The following SUN2 variants were observed in gnomAD, a reference collection of about 807,000 sequenced individuals.
The protein encoded by SUN2 is SUN domain-containing protein 2.
In SUN2, 60 loss-of-function variants were observed where a neutral mutation model predicts 100.0. The ratio of observed to expected loss-of-function variants is 0.60; its 90% CI spans 0.49 to 0.74. The LOEUF (loss-of-function observed/expected upper bound fraction) is 0.74, where lower values mean the gene tolerates loss of function less well. SUN2 is among the 30% of genes least tolerant of loss of function. The probability of loss-of-function intolerance (pLI) is 0.00; values close to 1 mark genes in which losing one functional copy is unlikely to be tolerated. For synonymous variants in SUN2, 367 were observed against 403.3 expected, an observed-to-expected ratio of 0.91 and a Z score of 1.08; for missense variants, 834 against 954.6, an observed-to-expected ratio of 0.87 and a Z score of 1.66.
intron 2 of SUN2, among the ~76,000 whole-genome samples, chr22:38,751,934 T>C (rs1341100805): frequency 6.6e-6 from 1 of 152,226 alleles, no homozygotes; most frequent in Non-Finnish European, 1.5e-5. Flanking sequence ...GGCTTATGGT[T>C]GAAGCTGCCT....
Position 38,737,888 on chromosome 22 carries a change from C to T in SUN2, c.2040+285G>A. The T allele has an allele frequency of 1.6e-6, 1 of 630,282 alleles. No homozygotes were observed. 39.0% of individuals were successfully genotyped at this position (630,282 alleles called of 1,614,324 possible). ...GCGGCTCCTCGAACGCCTCTCCCGG[C>T]CTTCCTTTCCTGGCCACCCAACCCC... On this transcript the variant is annotated intron_variant, in intron 17 of 17. Transcript: ENST00000689035. The surrounding 1 kb of genome is among the most constrained non-coding windows in gnomAD (Gnocchi z 4.1).
At chr22:38,746,598 GC>G (rs1335269134) in intron 7 of SUN2, among the ~76,000 whole-genome samples, 3 of 152,202 alleles carry the variant, frequency 2.0e-5, no homozygotes, top group Admixed American at 2.0e-4. Flanking sequence ...AGGTCACTGA[GC>G]CCCCTCCACG....
intron 4 of SUN2, 139 bp from the exon 5 acceptor site, chr22:38,750,459 G>C (rs1015645224): frequency 3.4e-6 from 5 of 1,480,052 alleles, no homozygotes; most frequent in Non-Finnish European, 4.5e-6. Context: ...GTGCAGTAAG[G>C]AATGAAATGG....
chr22:38,738,178 AGTGAAAC>A lies in SUN2; in HGVS notation c.2028_2034del (p.His678ArgfsTer16). The A allele has an allele frequency of 6.2e-7, 1 of 1,613,994 alleles. No individual in the cohort carries two copies. The highest frequency in any genetic ancestry group is 8.5e-7 in the Non-Finnish European group (1 of 1,179,996). ...AGCACAGCAGCATCCCGTACCTGAA[AGTGAAAC>A]GTCTGAATAGGCTCGCCGTCCTGAT... On this transcript the variant is annotated frameshift_variant, in exon 17 of 18. Coordinates refer to ENST00000689035, the MANE Select transcript of SUN2 (RefSeq NM_015374.3). LOFTEE classifies it high-confidence loss of function. The surrounding 1 kb of genome is among the most constrained non-coding windows in gnomAD (Gnocchi z 6.6).
At position 38,735,330 on chromosome 22, in the gene SUN2, GCAGA is replaced by G. The variant is rs1160989119; in HGVS notation, c.*933_*936del. The G allele has an allele frequency of 9.2e-6, 4 of 435,870 alleles. No homozygotes were observed. The highest frequency in any genetic ancestry group is 1.8e-5 in the Non-Finnish European group (4 of 219,524). The allele number at this position is 435,870 out of a possible 1,614,324, so 27.0% of individuals were successfully genotyped here. A position where few individuals can be genotyped will look rare whatever the true frequency, so the allele number is the denominator to read the frequency against. On this transcript the variant is annotated 3_prime_UTR_variant, in exon 18 of 18. Coordinates refer to ENST00000689035, the MANE Select transcript of SUN2 (RefSeq NM_015374.3). ...GGCCTGGTTAGATGTGGGGGCCGGT[GCAGA>G]CAGACCTCGCACCCCGATACCCTGA...
intron 1 of SUN2, among the ~76,000 whole-genome samples, chr22:38,753,210 CTTTTTTTTTT>C (rs869037443): frequency 1.2e-5 from 1 of 86,262 alleles, no homozygotes; most frequent in Non-Finnish European, 2.1e-5. Context: ...CACCTATGTT[CTTTTTTTTTT>C]TTTTTTTTTT....
chr22:38,745,594 G>T, intron 8 of SUN2, 90 bp downstream of exon 8: 3 of 1,525,104 alleles, frequency 2.0e-6, no homozygotes, highest in Non-Finnish European at 1.8e-6. Context: ...TTGTGTGTAC[G>T]GTGTGAGGCA....
intron 6 of SUN2, chr22:38,749,049 A>C (rs540103362): frequency 2.3e-6 from 1 of 441,998 alleles, no homozygotes; most frequent in South Asian, 5.0e-5. Context: ...AAACTCAAAA[A>C]TTTTTATATG....
chr22:38,747,988 G>T (rs1009003005), intron 7 of SUN2, among the ~76,000 whole-genome samples: 2 of 152,100 alleles, frequency 1.3e-5, no homozygotes, highest in Admixed American at 6.5e-5. Flanking sequence ...CGCCTGGGAT[G>T]ATTCAGGACA....
At position 38,737,011 on chromosome 22, in the gene SUN2, A is replaced by G. The variant is rs758101109; in HGVS notation, c.2041-631T>C. ...GGTGCATGTCACCACACCCGGCTAAATTTTTTAACATTTTTTGTAGAGTCG... is the reference window on the plus strand; with the variant it reads ...GGTGCATGTCACCACACCCGGCTAAGTTTTTTAACATTTTTTGTAGAGTCG... On this transcript the variant is annotated intron_variant, in intron 17 of 17. Transcript: ENST00000689035. The surrounding 1 kb of genome is among the most constrained non-coding windows in gnomAD (Gnocchi z 4.1). Among the ~76,000 whole-genome samples, 27 of 152,022 alleles carry G rather than the reference A, an allele frequency of 1.8e-4. No individual in the cohort carries two copies. Among genetic ancestry groups the G allele is most frequent in the Non-Finnish European group, 2.1e-4 (14 of 67,998 alleles).
At chr22:38,754,529 GGACC>G in intron 1 of SUN2, 1 of 940,570 alleles carries the variant, frequency 1.1e-6, no homozygotes, top group South Asian at 1.4e-5. Flanking sequence ...GTTGGAAAAG[GGACC>G]GATTGGTAGT....
Position 38,740,212 on chromosome 22 carries a change from G to T in SUN2, c.1356+55C>A. Reference sequence around the variant, plus strand: ...TGCTGCTTTGCAGGCCCCAGGACACGTCGTCTCAAAGGAGGAGGAGAGGGA... The same window carrying T: ...TGCTGCTTTGCAGGCCCCAGGACACTTCGTCTCAAAGGAGGAGGAGAGGGA... On this transcript the variant is annotated intron_variant, in intron 12 of 17. Transcript: ENST00000689035. This position sits in a 1 kb window ranked among gnomAD's most constrained non-coding sequence, Gnocchi z 4.8. 6.8e-7 allele frequency: 1 copy of T among 1,479,294 alleles called. No individual in the cohort carries two copies. The highest frequency in any genetic ancestry group is 1.4e-5 in the South Asian group (1 of 72,946). The allele number at this position is 1,479,294 out of a possible 1,614,324, so 91.6% of individuals were successfully genotyped here.
rs1003423118 is a variant in SUN2 at position 38,735,337 on chromosome 22, G to C, written c.*930C>G. ...TTAGATGTGGGGGCCGGTGCAGACA[G>C]ACCTCGCACCCCGATACCCTGAACG... On this transcript the variant is annotated 3_prime_UTR_variant, in exon 18 of 18. Transcript: ENST00000689035. 2.3e-6 allele frequency: 1 copy of C among 428,692 alleles called. No individual in the cohort carries two copies. The highest frequency in any genetic ancestry group is 4.6e-6 in the Non-Finnish European group (1 of 216,416). 26.6% of individuals were successfully genotyped at this position (428,692 alleles called of 1,614,324 possible).
chr22:38,740,009 G>A lies in SUN2; in HGVS notation c.1357-66C>T. 1 of 1,540,452 alleles carries A rather than the reference G, an allele frequency of 6.5e-7. No homozygotes were observed. Among genetic ancestry groups the A allele is most frequent in the Non-Finnish European group, 8.8e-7 (1 of 1,132,682 alleles). ...GGGACAGCAGGAGCTGCTATGACAG[G>A]GCTAGTGCTTAGCTGGATAGCAGGG... On this transcript the variant is annotated intron_variant, in intron 12 of 17. Coordinates refer to ENST00000689035, the MANE Select transcript of SUN2 (RefSeq NM_015374.3). This position sits in a 1 kb window ranked among gnomAD's most constrained non-coding sequence, Gnocchi z 4.8.
chr22:38,748,782 G>A lies in SUN2; in HGVS notation c.616C>T (p.Arg206Cys), dbSNP rs150381950. 3.7e-6 allele frequency: 6 copies of A among 1,614,080 alleles called. No homozygotes were observed. Among genetic ancestry groups the A allele is most frequent in the African/African-American group, 2.7e-5 (2 of 74,942 alleles). Residue 206 changes from arginine (R) to cysteine (C), a missense_variant and splice_region_variant, in exon 7 of 18, where the codon CGC (arginine) becomes TGC (cysteine). Arg to Cys is a radical substitution (Grantham distance 180). Around this residue, in one of 3 missense-constraint regions of SUN2, gnomAD observed 559 missense variants for 597.7 expected, o/e 0.94. Coordinates refer to ENST00000689035, the MANE Select transcript of SUN2 (RefSeq NM_015374.3). ...AGGAACGTCTTCAGGGACGAGAAGC[G>A]CCTGGACCACGCGGGAGGGCAGGAC... ...SLLDVFVLTR[R>C]FSSLKTFLWF...
intron 8 of SUN2, among the ~76,000 whole-genome samples, chr22:38,744,586 A>T (rs1167598693): frequency 6.6e-6 from 1 of 152,244 alleles, no homozygotes; most frequent in East Asian, 1.9e-4. Flanking sequence ...GTCTCAAAAA[A>T]TTTTTAAATG....
intron 1 of SUN2, chr22:38,754,612 C>A: frequency 5.6e-6 from 3 of 536,654 alleles, no homozygotes; most frequent in Middle Eastern, 3.3e-4. Context: ...CTCCCCTCCC[C>A]CCTCCCTGCC....
intron 7 of SUN2, among the ~76,000 whole-genome samples, 176 bp downstream of exon 7, chr22:38,748,537 G>C (rs1313944499): frequency 6.6e-6 from 1 of 152,320 alleles, no homozygotes; most frequent in East Asian, 1.9e-4. Context: ...CGGCACAAAA[G>C]AGGCTCAGGA....
At chr22:38,744,469 T>C (rs994185876) in intron 8 of SUN2, among the ~76,000 whole-genome samples, 4 of 151,984 alleles carry the variant, frequency 2.6e-5, no homozygotes, top group Non-Finnish European at 4.4e-5. Context: ...TAGTCCCAGC[T>C]ACTTCACAGG....
Sources: allele counts gnomAD v4.1 joint callset (sites outside exome capture counted in the v4.1 genomes callset), GRCh38; gene constraint gnomAD v4.1.1; regional missense constraint gnomAD v4.1.1; non-coding constraint Gnocchi (gnomAD v3.1); transcripts MANE v1.5; gene names NCBI Gene and HGNC (gene_info 2026-07-23, HGNC 2026-07-21).